The following PRDM16 variants were observed in gnomAD, a reference collection of about 807,000 sequenced individuals.
PRDM16 encodes PR/SET domain 16.
Under a neutral mutation model 110.6 loss-of-function variants are expected in PRDM16, and 23 were observed. The ratio of observed to expected loss-of-function variants is 0.21; its 90% CI spans 0.15 to 0.29. The LOEUF (loss-of-function observed/expected upper bound fraction) is 0.29, where lower values mean the gene tolerates loss of function less well. Ranked by LOEUF, PRDM16 falls within the 10% of genes least tolerant of loss-of-function variation. PRDM16 has a pLI of 1.00. For synonymous variants in PRDM16, 799 were observed against 781.8 expected (o/e 1.02, Z -0.37); for missense variants, 1,615 against 1,794.3 (o/e 0.90, Z 1.81).
intron 3 of PRDM16, among the ~76,000 whole-genome samples, chr1:3,377,707 C>A (rs967801259): frequency 3.3e-5 from 5 of 152,198 alleles, no homozygotes; most frequent in African/African-American, 9.7e-5. Flanking sequence ...TGGAGAGAGA[C>A]ACAGCCCAGT....
chr1:3,277,733 G>A (rs534837926), intron 3 of PRDM16, among the ~76,000 whole-genome samples: 8 of 150,570 alleles, frequency 5.3e-5, no homozygotes, highest in South Asian at 2.1e-4. Context: ...ACACACGCGC[G>A]CACACACGCA....
intron 3 of PRDM16, among the ~76,000 whole-genome samples, chr1:3,356,215 G>T (rs1642596028): frequency 1.3e-5 from 2 of 152,334 alleles, no homozygotes; most frequent in East Asian, 1.9e-4. Context: ...CACGCAGGGG[G>T]CTTGAGCAGG....
intron 3 of PRDM16, among the ~76,000 whole-genome samples, chr1:3,373,812 C>T (rs1642947513): frequency 6.6e-6 from 1 of 152,258 alleles, no homozygotes; most frequent in Non-Finnish European, 1.5e-5. Context: ...GCTGCCCTCC[C>T]TGCCATCCCC....
At chr1:3,114,253 C>T (rs369291683) in intron 1 of PRDM16, among the ~76,000 whole-genome samples, 28 of 143,152 alleles carry the variant, frequency 2.0e-4, no homozygotes, top group South Asian at 9.2e-4. Context: ...AACATGCACA[C>T]GCACGCGCAC....
chr1:3,365,199 T>C (rs1048492964), intron 3 of PRDM16, among the ~76,000 whole-genome samples: 10 of 152,054 alleles, frequency 6.6e-5, no homozygotes, highest in African/African-American at 2.4e-4. Context: ...CAGGGGGCCT[T>C]GGGTGGGCGC....
At chr1:3,311,981 C>G (rs1641472387) in intron 3 of PRDM16, among the ~76,000 whole-genome samples, 1 of 152,212 alleles carries the variant, frequency 6.6e-6, no homozygotes, top group African/African-American at 2.4e-5. Context: ...CAGCCAGGTG[C>G]TCAGGGAGCC....
intron 3 of PRDM16, among the ~76,000 whole-genome samples, chr1:3,285,781 C>T (rs549620462): frequency 6.6e-6 from 1 of 152,262 alleles, no homozygotes; most frequent in South Asian, 2.1e-4. Context: ...CCCCCACCAC[C>T]GGACACCTGG....
At chr1:3,272,871 C>T (rs1640490075) in intron 3 of PRDM16, among the ~76,000 whole-genome samples, 1 of 152,186 alleles carries the variant, frequency 6.6e-6, no homozygotes. Flanking sequence ...GACACAGAGG[C>T]CTGGTGGCTT....
chr1:3,129,309 GCCTGGTGTGTGTGTGGGTGTGTGTCCT>G (rs2100679551), intron 1 of PRDM16, among the ~76,000 whole-genome samples: 1 of 64,656 alleles, frequency 1.5e-5, no homozygotes, highest in African/African-American at 7.2e-5. Context: ...TCAGTGTCCT[GCCTGGTGTGTGTGTGGGTGTGTGTCCT>G]GCCTGGTTGT....
Position 3,359,498 on chromosome 1 carries a change from C to T in PRDM16, c.439-25654C>T, listed in dbSNP as rs1246767589. 6.6e-6 allele frequency among the ~76,000 whole-genome samples: 1 copy of T among 151,990 alleles called. No homozygotes were observed. Among genetic ancestry groups the T allele is most frequent in the Admixed American group, 6.5e-5 (1 of 15,276 alleles). On this transcript the variant is annotated intron_variant, in intron 3 of 16. Transcript: ENST00000270722. This position sits in a 1 kb window ranked among gnomAD's most constrained non-coding sequence, Gnocchi z 4.3. ...GCACAAAGCAGCAAGAATTGCGGCC[C>T]GGGAGCAGTGGCTGCAGCCTCCCGA... is the stretch of plus-strand genomic sequence containing the variant.
chr1:3,408,243 C>T, intron 8 of PRDM16, among the ~76,000 whole-genome samples: 1 of 152,242 alleles, frequency 6.6e-6, no homozygotes, highest in African/African-American at 2.4e-5. Flanking sequence ...GCCCCCACCT[C>T]ACTGGCCACA....
At position 3,208,553 on chromosome 1, in the gene PRDM16, C is replaced by T. The variant is rs540044272; in HGVS notation, c.387+22079C>T. 3 of 152,106 alleles carry T rather than the reference C, an allele frequency of 2.0e-5. No homozygotes were observed. In the East Asian group the frequency reaches 5.8e-4, roughly 29 times the overall value. The allele number at this position is 152,106 out of a possible 1,614,324, so 9.4% of individuals were successfully genotyped here. A position where few individuals can be genotyped will look rare whatever the true frequency, so the allele number is the denominator to read the frequency against. ...TGGTGGTGGGCACCTGTAATCCCAG[C>T]TACTTGGGAGGCTGAGGCAGAAGAA... On this transcript the variant is annotated intron_variant, in intron 2 of 16. Transcript: ENST00000270722. This position sits in a 1 kb window ranked among gnomAD's most constrained non-coding sequence, Gnocchi z 6.1.
In PRDM16 at chr1:3,437,879, G is replaced by T; in HGVS notation, c.*4068G>T. On this transcript the variant is annotated 3_prime_UTR_variant, in exon 17 of 17. Transcript: ENST00000270722. ...TTGCCACTGCGCTTTCGGCACGAGG[G>T]ATGCTGAGCCCTGGTGTCAGAGTCG... The T allele has an allele frequency of 4.5e-6, 1 of 219,818 alleles. No individual in the cohort carries two copies. Among genetic ancestry groups the T allele is most frequent in the African/African-American group, 2.2e-5 (1 of 44,692 alleles). 13.6% of individuals were successfully genotyped at this position (219,818 alleles called of 1,614,324 possible). A position where few individuals can be genotyped will look rare whatever the true frequency, so the allele number is the denominator to read the frequency against.
At chr1:3,179,728 C>T (rs775227832) in intron 1 of PRDM16, among the ~76,000 whole-genome samples, 7 of 152,352 alleles carry the variant, frequency 4.6e-5, no homozygotes, top group Admixed American at 1.3e-4. Context: ...CGCTGGCCTC[C>T]GCCTTGCCCT....
At chr1:3,219,043 G>A (rs1309244154) in intron 2 of PRDM16, among the ~76,000 whole-genome samples, 1 of 152,218 alleles carries the variant, frequency 6.6e-6, no homozygotes, top group African/African-American at 2.4e-5. Flanking sequence ...AGCTGCAGGG[G>A]AGAGGCGTGT....
At position 3,092,652 on chromosome 1, in the gene PRDM16, A is replaced by G. The variant is rs961619192; in HGVS notation, c.37+23356A>G. 2.6e-5 allele frequency among the ~76,000 whole-genome samples: 4 copies of G among 152,148 alleles called. No individual in the cohort carries two copies. In the South Asian group the frequency reaches 8.3e-4, roughly 32 times the overall value. On this transcript the variant is annotated intron_variant, in intron 1 of 16. Coordinates refer to ENST00000270722, the MANE Select transcript of PRDM16 (RefSeq NM_022114.4). ...CTCAGGGCTCTGTGGAGGGGTCTGCACAACTTCGTGCTGGATGGCGCCTGG... is the reference window on the plus strand; with the variant it reads ...CTCAGGGCTCTGTGGAGGGGTCTGCGCAACTTCGTGCTGGATGGCGCCTGG...
chr1:3,142,067 G>T (rs1198793217), intron 1 of PRDM16, among the ~76,000 whole-genome samples: 1 of 152,262 alleles, frequency 6.6e-6, no homozygotes. Context: ...CCACCCCGCA[G>T]GAGCTGGGAG....
At chr1:3,095,957 A>G (rs2100607292) in intron 1 of PRDM16, among the ~76,000 whole-genome samples, 1 of 150,760 alleles carries the variant, frequency 6.6e-6, no homozygotes, top group East Asian at 2.0e-4. Context: ...GGAACGTCAC[A>G]CTCCCTCCCT....
intron 2 of PRDM16, among the ~76,000 whole-genome samples, chr1:3,221,773 G>A (rs1196233058): frequency 2.6e-5 from 4 of 152,326 alleles, no homozygotes; most frequent in Non-Finnish European, 4.4e-5. Context: ...ACATGCATGC[G>A]TGTCTAGGCA....
Sources: allele counts gnomAD v4.1 joint callset (sites outside exome capture counted in the v4.1 genomes callset), GRCh38; gene constraint gnomAD v4.1.1; non-coding constraint Gnocchi (gnomAD v3.1); transcripts MANE v1.5; gene names NCBI Gene and HGNC (gene_info 2026-07-23, HGNC 2026-07-21).